The following LEMD1 variants were observed in gnomAD, a reference collection of about 807,000 sequenced individuals.
LEMD1 encodes the protein LEM domain containing 1, also known as LEM domain-containing protein 1.
LEMD1 carries 18 observed loss-of-function variants against 17.4 expected under a neutral mutation model. The ratio of observed to expected loss-of-function variants is 1.04; its 90% CI spans 0.72 to 1.54. LEMD1 has a LOEUF of 1.54. LEMD1 is among the 40% of genes most tolerant of loss of function. LEMD1 has a pLI of 0.00. For missense variants in LEMD1, 195 were observed against 210.4 expected (o/e 0.93, Z 0.45); for synonymous variants, 88 against 77.8 (o/e 1.13, Z -0.69).
intron 4 of LEMD1, among the ~76,000 whole-genome samples, chr1:205,390,016 G>A (rs1028788213): frequency 4.6e-5 from 7 of 152,112 alleles, no homozygotes; most frequent in Non-Finnish European, 1.0e-4. Flanking sequence ...ATTAACAAAA[G>A]CAAGGTTAAA....
chr1:205,426,770 C>T (rs186914157), upstream of LEMD1, among the ~76,000 whole-genome samples: 57 of 152,288 alleles, frequency 3.7e-4, no homozygotes, highest in East Asian at 0.011. Flanking sequence ...CAGGATCCTT[C>T]CGGTCTGGGG....
rs759445665 is a variant in LEMD1 at position 205,381,866 on chromosome 1, C to T, written c.348-10G>A. The T allele has an allele frequency of 2.5e-6, 4 of 1,613,974 alleles. No individual in the cohort carries two copies. The highest frequency in any genetic ancestry group is 4.5e-5 in the East Asian group (2 of 44,876). ...TGCTCTTGCAGCCCACCTGTGAAAA[C>T]ATCAGTGGCTCTTAGGATTGTGGAC... is the stretch of plus-strand genomic sequence containing the variant. On this transcript the variant is annotated splice_polypyrimidine_tract_variant and intron_variant, in intron 5 of 5. Coordinates refer to ENST00000367153, the MANE Select transcript of LEMD1 (RefSeq NM_001199050.2).
intron 1 of LEMD1, among the ~76,000 whole-genome samples, chr1:205,444,784 T>C (rs1325141701): frequency 1.3e-5 from 2 of 152,068 alleles, no homozygotes; most frequent in East Asian, 3.9e-4. Context: ...AGCAATTCTC[T>C]GATAAACAAG....
chr1:205,390,661 A>G (rs536491525), intron 4 of LEMD1, among the ~76,000 whole-genome samples: 1 of 152,368 alleles, frequency 6.6e-6, no homozygotes, highest in African/African-American at 2.4e-5. Flanking sequence ...AAATCAATAT[A>G]CAGAAGTCAA....
Position 205,406,126 on chromosome 1 carries a change from T to C in LEMD1, c.270+10106A>G, listed in dbSNP as rs538240518. Among the ~76,000 whole-genome samples the C allele has an allele frequency of 4.6e-3, 699 of 152,300 alleles. 14 individuals are homozygous for C. The highest frequency in any genetic ancestry group is 0.04 in the Admixed American group (616 of 15,296). The stretch of plus-strand genomic sequence containing the variant: ...CAGTCTGCCCCTACTGGGGGGTGCC[T>C]CCCAGTTAGGCTGCTCGGGGGTCAG... On this transcript the variant is annotated intron_variant, in intron 4 of 5. Coordinates refer to ENST00000367153, the MANE Select transcript of LEMD1 (RefSeq NM_001199050.2).
At chr1:205,439,341 G>C (rs1418139527) in intron 1 of LEMD1, among the ~76,000 whole-genome samples, 3 of 152,188 alleles carry the variant, frequency 2.0e-5, no homozygotes, top group Non-Finnish European at 4.4e-5. Flanking sequence ...TAGGAGGTAG[G>C]GGCAAAGGAA....
At chr1:205,423,111 C>T (rs902626142), upstream of LEMD1, among the ~76,000 whole-genome samples, 1 of 152,168 alleles carries the variant, frequency 6.6e-6, no homozygotes, top group Non-Finnish European at 1.5e-5. Flanking sequence ...TTTACACTTG[C>T]CCGTGGGAGT....
intron 4 of LEMD1, among the ~76,000 whole-genome samples, chr1:205,388,926 T>C (rs753067004): frequency 6.6e-6 from 1 of 151,886 alleles, no homozygotes; most frequent in Non-Finnish European, 1.5e-5. Context: ...TTTTATGTCA[T>C]ACTGTATCAC....
chr1:205,403,203 G>A (rs1253330608), intron 4 of LEMD1, among the ~76,000 whole-genome samples: 1 of 152,138 alleles, frequency 6.6e-6, no homozygotes, highest in Non-Finnish European at 1.5e-5. Flanking sequence ...TATCAGGATG[G>A]TACTGGCCTC....
At position 205,419,259 on chromosome 1, in the gene LEMD1, T is replaced by C. The variant is rs1275688143; in HGVS notation, c.176A>G (p.Asp59Gly). The stretch of plus-strand genomic sequence containing the variant: ...GCTGTCATCACTGTCCTGCGCTCCA[T>C]CCAGCTCTCTGGGTCCATTCATCAC... ...PPVMNGPREL[D>G]GAQDSDDSEE... Residue 59 changes from aspartate to glycine, a missense_variant, in exon 3 of 6, where the codon GAT becomes GGT. Transcript: ENST00000367153. 15 of 1,614,100 alleles carry C rather than the reference T, an allele frequency of 9.3e-6. No individual in the cohort carries two copies. The highest frequency in any genetic ancestry group is 1.3e-5 in the Non-Finnish European group (15 of 1,180,044).
chr1:205,416,538 A>G (rs1335673258), intron 3 of LEMD1, among the ~76,000 whole-genome samples: 1 of 152,180 alleles, frequency 6.6e-6, no homozygotes, highest in African/African-American at 2.4e-5. Context: ...TCCAAGAGAA[A>G]TACACAAGCT....
rs904221316 is a variant in LEMD1, at chr1:205,398,058, A to T, written c.271-13694T>A. Among the ~76,000 whole-genome samples the T allele has an allele frequency of 3.9e-5, 6 of 152,236 alleles. No individual in the cohort carries two copies. The East Asian group carries it at 1.2e-3, about 29-fold the overall frequency. On this transcript the variant is annotated intron_variant, in intron 4 of 5. Coordinates refer to ENST00000367153, the MANE Select transcript of LEMD1 (RefSeq NM_001199050.2). ...TCAATAAGATCAAGATATATTGATC[A>T]TATCTACCAGGAGGTCAATATTTTT...
intron 1 of LEMD1, among the ~76,000 whole-genome samples, chr1:205,429,541 C>T (rs981467295): frequency 6.6e-6 from 1 of 152,114 alleles, no homozygotes; most frequent in Non-Finnish European, 1.5e-5. Context: ...TGCCCTCACA[C>T]TGTGACTTTT....
chr1:205,385,974 G>A (rs1663991491), intron 4 of LEMD1: 2 of 152,674 alleles, frequency 1.3e-5, no homozygotes, highest in South Asian at 4.1e-4. Context: ...AAGTCAAGAG[G>A]AGAGTAATGA....
At chr1:205,396,452 C>G (rs1186331461) in intron 4 of LEMD1, among the ~76,000 whole-genome samples, 1 of 151,770 alleles carries the variant, frequency 6.6e-6, no homozygotes, top group African/African-American at 2.4e-5. Flanking sequence ...TTCATGCAAT[C>G]AGAAAAAAAA....
At position 205,419,442 on chromosome 1, in the gene LEMD1, A is replaced by C; in HGVS notation, c.83-90T>G. ...AAGGTATTTCATAACTCAGAATTTTATTCTTAACCCTTACATTATTGGTTA... is the reference window on the plus strand; with the variant it reads ...AAGGTATTTCATAACTCAGAATTTTCTTCTTAACCCTTACATTATTGGTTA... On this transcript the variant is annotated intron_variant, in intron 2 of 5. Transcript: ENST00000367153. 5 of 1,416,314 alleles carry C rather than the reference A, an allele frequency of 3.5e-6. No individual in the cohort carries two copies. In the South Asian group the frequency reaches 3.7e-5, roughly 11 times the overall value. The allele number at this position is 1,416,314 out of a possible 1,614,324, so 87.7% of individuals were successfully genotyped here.
At chr1:205,438,394 A>G (rs1666240588) in intron 1 of LEMD1, among the ~76,000 whole-genome samples, 2 of 152,200 alleles carry the variant, frequency 1.3e-5, no homozygotes, top group South Asian at 4.1e-4. Flanking sequence ...AGCCAGGCCA[A>G]CCCTAGAAGG....
intron 4 of LEMD1, among the ~76,000 whole-genome samples, chr1:205,415,513 A>G (rs2102425776): frequency 6.6e-6 from 1 of 152,330 alleles, no homozygotes; most frequent in African/African-American, 2.4e-5. Flanking sequence ...TCTGAAATCT[A>G]AGAAGGCAGG....
intron 4 of LEMD1, among the ~76,000 whole-genome samples, chr1:205,389,152 A>C (rs1574945300): frequency 6.9e-6 from 1 of 145,820 alleles, no homozygotes; most frequent in South Asian, 2.2e-4. Flanking sequence ...GGGTTCAAGC[A>C]ATTCTCCTGC....
Sources: allele counts gnomAD v4.1 joint callset (sites outside exome capture counted in the v4.1 genomes callset), GRCh38; gene constraint gnomAD v4.1.1; transcripts MANE v1.5; gene names NCBI Gene and HGNC (gene_info 2026-07-23, HGNC 2026-07-21).